DLC1: variants seen among roughly 807,000 people sequenced by gnomAD.
DLC1 encodes rho GTPase-activating protein 7.
A neutral mutation model predicts 140.3 loss-of-function variants in DLC1; 54 were observed. The ratio of observed to expected loss-of-function variants is 0.38; its 90% confidence interval spans 0.31 to 0.48. The LOEUF is 0.48. DLC1 is among the 20% of genes least tolerant of loss of function. The pLI, the probability that DLC1 is intolerant of heterozygous loss-of-function variation, is 0.96. For missense variants in DLC1, 2,536 were observed against 1,907.0 expected, an observed-to-expected ratio of 1.33 and a Z score of -6.14; for synonymous variants, 986 against 728.1, an observed-to-expected ratio of 1.35 and a Z score of -5.70.
intron 4 of DLC1, among the ~76,000 whole-genome samples, chr8:13,351,200 G>C (rs1206135559): frequency 6.6e-6 from 1 of 152,166 alleles, no homozygotes; most frequent in Non-Finnish European, 1.5e-5. Flanking sequence ...TACAAGCACA[G>C]TCCTAAGTGC....
At chr8:13,455,826 T>C (rs1799360000) in intron 2 of DLC1, among the ~76,000 whole-genome samples, 1 of 152,154 alleles carries the variant, frequency 6.6e-6, no homozygotes, top group African/African-American at 2.4e-5. Context: ...CAATGAGCTA[T>C]GACCATGCCA....
chr8:13,220,863 T>C (rs967907359), intron 5 of DLC1, among the ~76,000 whole-genome samples: 2 of 152,052 alleles, frequency 1.3e-5, no homozygotes, highest in Non-Finnish European at 2.9e-5. Flanking sequence ...TCAATAGCCT[T>C]GGAAAGGGTG....
At chr8:13,214,772 C>T in intron 5 of DLC1, 1 of 780,768 alleles carries the variant, frequency 1.3e-6, no homozygotes, top group Admixed American at 1.7e-5. Flanking sequence ...ACTGATTTTA[C>T]CGCTGCTGGG....
intron 1 of DLC1, among the ~76,000 whole-genome samples, chr8:13,573,293 A>C (rs993957729): frequency 6.6e-6 from 1 of 152,096 alleles, no homozygotes; most frequent in Non-Finnish European, 1.5e-5. Flanking sequence ...CATACAGTTG[A>C]TTTTTGCATG....
In DLC1 at chr8:13,579,365, T is replaced by A. The variant is rs7017703; in HGVS notation, c.-126+25172A>T. Among the ~76,000 whole-genome samples, 49 of 40,696 alleles carry A rather than the reference T, an allele frequency of 1.2e-3. 7 individuals carry two copies. Among genetic ancestry groups the A allele is most frequent in the African/African-American group, 3.0e-3 (20 of 6,574 alleles). The allele number at this position is 40,696 out of a possible 152,430, so 26.7% of individuals were successfully genotyped here. A position where few individuals can be genotyped will look rare whatever the true frequency, so the allele number is the denominator to read the frequency against. On this transcript the variant is annotated intron_variant, in intron 1 of 1. Coordinates refer to the DLC1 transcript ENST00000631382. ...TATATATATATATATATATATATTT[T>A]TATATAATACATATTTATATATTAT...
chr8:13,091,114 C>T (rs1024892644), intron 14 of DLC1, among the ~76,000 whole-genome samples: 2 of 151,996 alleles, frequency 1.3e-5, no homozygotes, highest in Non-Finnish European at 2.9e-5. Context: ...GGCTGCTTTT[C>T]CAAGTAAAGG....
chr8:13,307,426 A>C (rs1022625934), intron 4 of DLC1, among the ~76,000 whole-genome samples: 7 of 152,150 alleles, frequency 4.6e-5, no homozygotes, highest in African/African-American at 1.7e-4. Context: ...TTCTTTTACA[A>C]GTGATCCTAC....
At chr8:13,386,584 A>T (rs1417855971) in intron 4 of DLC1, among the ~76,000 whole-genome samples, 1 of 152,182 alleles carries the variant, frequency 6.6e-6, no homozygotes, top group African/African-American at 2.4e-5. Flanking sequence ...ATCTGAAAAC[A>T]ACAAGAAATT....
At chr8:13,584,917 A>C (rs149677971) in intron 1 of DLC1, among the ~76,000 whole-genome samples, 2 of 152,236 alleles carry the variant, frequency 1.3e-5, no homozygotes, top group East Asian at 3.9e-4. Flanking sequence ...TCCCCTCTTA[A>C]TAAATCTCTT....
chr8:13,278,732 T>C (rs761803128), intron 5 of DLC1, among the ~76,000 whole-genome samples: 13 of 151,962 alleles, frequency 8.6e-5, no homozygotes, highest in Admixed American at 3.3e-4. Flanking sequence ...CTGACTATAA[T>C]GGTAGGAAGC....
chr8:13,440,053 A>G (rs921282415), intron 2 of DLC1, among the ~76,000 whole-genome samples: 9 of 152,214 alleles, frequency 5.9e-5, no homozygotes, highest in Admixed American at 3.3e-4. Context: ...AGGAGGGGAA[A>G]AAGTCTTCTG....
intron 2 of DLC1, among the ~76,000 whole-genome samples, chr8:13,471,269 C>T (rs750821562): frequency 6.7e-6 from 1 of 149,910 alleles, no homozygotes; most frequent in South Asian, 2.1e-4. Flanking sequence ...GAATTGTATA[C>T]TTGAAATTTG....
intron 1 of DLC1, chr8:13,558,069 C>T (rs1804114548): frequency 6.6e-6 from 1 of 152,126 alleles, no homozygotes; most frequent in African/African-American, 2.4e-5. Context: ...TAAAACTGGC[C>T]TTAGACTCAT....
chr8:13,343,850 A>T (rs1318993016), intron 4 of DLC1, among the ~76,000 whole-genome samples: 2 of 152,160 alleles, frequency 1.3e-5, no homozygotes, highest in East Asian at 3.9e-4. Context: ...TTGGTCTGAA[A>T]ATAAGGCTAC....
chr8:13,350,066 T>A (rs983215316), intron 4 of DLC1, among the ~76,000 whole-genome samples: 6 of 152,182 alleles, frequency 3.9e-5, no homozygotes, highest in African/African-American at 1.4e-4. Context: ...TGAAGAATTT[T>A]AGTGACATTA....
chr8:13,532,072 T>C (rs922901236), intron 1 of DLC1, among the ~76,000 whole-genome samples: 18 of 152,190 alleles, frequency 1.2e-4, no homozygotes, highest in Non-Finnish European at 2.5e-4. Flanking sequence ...TACTTTGAAT[T>C]TATTAAGGCT....
chr8:13,245,841 C>T (rs1316649443), intron 5 of DLC1, among the ~76,000 whole-genome samples: 1 of 152,026 alleles, frequency 6.6e-6, no homozygotes. Flanking sequence ...GCTGGGATTA[C>T]AGGTGCCCAC....
intron 2 of DLC1, among the ~76,000 whole-genome samples, chr8:13,435,886 A>G (rs958455889): frequency 6.6e-6 from 1 of 152,234 alleles, no homozygotes; most frequent in Non-Finnish European, 1.5e-5. Context: ...ACTTATTTTA[A>G]GAAATTGCCA....
chr8:13,404,778 A>T (rs1837450695), intron 2 of DLC1, among the ~76,000 whole-genome samples: 1 of 152,038 alleles, frequency 6.6e-6, no homozygotes, highest in Non-Finnish European at 1.5e-5. Flanking sequence ...TGGGTGAATC[A>T]CTTGAGGTGA....
Sources: gnomAD v4.1 joint callset for allele counts (sites outside exome capture counted in the v4.1 genomes callset) on GRCh38, gnomAD v4.1.1 for gene constraint, MANE v1.5 for transcripts, NCBI Gene and HGNC (gene_info 2026-07-23, HGNC 2026-07-21) for gene names.